AMPD2: variants seen among roughly 807,000 people sequenced by gnomAD.
The protein encoded by AMPD2 is AMP deaminase 2.
A neutral mutation model predicts 91.3 loss-of-function variants in AMPD2; 52 were observed. That is an observed-to-expected ratio of 0.57 (90% CI 0.46 to 0.72). The LOEUF (loss-of-function observed/expected upper bound fraction) is 0.72. Ranked by LOEUF, AMPD2 falls within the 30% of genes least tolerant of loss-of-function variation. The pLI is 0.00. For missense variants in AMPD2, 822 were observed against 1,122.3 expected (o/e 0.73, Z 3.82); for synonymous variants, 455 against 456.4 (o/e 1.00, Z 0.04).
intron 1 of AMPD2, 68 bp downstream of exon 1, chr1:109,620,346 A>T: frequency 6.3e-7 from 1 of 1,599,052 alleles, no homozygotes; most frequent in Admixed American, 1.7e-5. Flanking sequence ...CAGAGTGACA[A>T]GAGGGTGGGA....
Position 109,629,471 on chromosome 1 carries a change from A to C in AMPD2, c.1843A>C (p.Met615Leu). The change falls in exon 15 of 19, where the codon ATG (methionine) becomes CTG (leucine). Residue 615 changes from methionine (M) to leucine (L), a missense_variant. Coordinates refer to ENST00000528667, the MANE Select transcript of AMPD2 (RefSeq NM_001368809.2). ...YLYYTFANMA[M>L]LNHLRRQRGF... is the part of the protein sequence containing the mutation. ...GTACTACACCTTTGCCAACATGGCC[A>C]TGTTGAACCACCTGCGCAGGTGCCT... The C allele has an allele frequency of 6.2e-7, 1 of 1,613,968 alleles. No individual in the cohort carries two copies. The highest frequency in any genetic ancestry group is 8.5e-7 in the Non-Finnish European group (1 of 1,179,946).
Position 109,625,877 on chromosome 1 carries a change from C to G in AMPD2, c.353+85C>G. ...CCCTTTTCTGCCTCTTTCCCTCGCACCCTGCCTTGGGGGGTCTGCACAGGG... is the reference window on the plus strand; with the variant it reads ...CCCTTTTCTGCCTCTTTCCCTCGCAGCCTGCCTTGGGGGGTCTGCACAGGG... On this transcript the variant is annotated intron_variant, in intron 4 of 18. Transcript: ENST00000528667. The surrounding 1 kb of genome is among the most constrained non-coding windows in gnomAD (Gnocchi z 4.0). The G allele has an allele frequency of 1.9e-6, 3 of 1,565,594 alleles. No individual in the cohort carries two copies. The highest frequency in any genetic ancestry group is 1.2e-5 in the South Asian group (1 of 84,330).
rs1285437036 is a variant in AMPD2 at position 109,624,938 on chromosome 1, C to T, written c.92-365C>T. Among the ~76,000 whole-genome samples, 4 of 152,164 alleles carry T rather than the reference C, an allele frequency of 2.6e-5. No individual in the cohort carries two copies. Among genetic ancestry groups the T allele is most frequent in the Admixed American group, 1.3e-4 (2 of 15,288 alleles). ...GTGTGTCTCTGAGGGTGTCTGTGTG[C>T]GTACGTGCATGTGTGTGCACACGTA... is the stretch of plus-strand genomic sequence containing the variant. On this transcript the variant is annotated intron_variant, in intron 2 of 18. Coordinates refer to ENST00000528667, the MANE Select transcript of AMPD2 (RefSeq NM_001368809.2). This position sits in a 1 kb window ranked among gnomAD's most constrained non-coding sequence, Gnocchi z 5.2.
intron 1 of AMPD2, 55 bp from the exon 2 acceptor site, chr1:109,620,859 G>GGGCT (rs1650187349): frequency 8.3e-6 from 12 of 1,438,090 alleles, no homozygotes; most frequent in Non-Finnish European, 1.1e-5. Context: ...GGAGAGCTGG[G>GGGCT]GGCTGGCCCT....
At chr1:109,622,421 C>T (rs1009451459) in intron 2 of AMPD2, 3 of 392,800 alleles carry the variant, frequency 7.6e-6, no homozygotes, top group South Asian at 1.8e-5. Context: ...GCAGTCGTGG[C>T]AGTGTGTGAG....
rs1651116301 is a variant in AMPD2, at chr1:109,630,426, C to G, written c.2157+20C>G. The G allele has an allele frequency of 2.9e-6, 4 of 1,384,054 alleles. No individual in the cohort carries two copies. In the African/African-American group the frequency reaches 4.5e-5, roughly 16 times the overall value. The allele number at this position is 1,384,054 out of a possible 1,614,324, so 85.7% of individuals were successfully genotyped here. On this transcript the variant is annotated intron_variant, in intron 17 of 18. Coordinates refer to ENST00000528667, the MANE Select transcript of AMPD2 (RefSeq NM_001368809.2). ...ACCAAGGTCAGAGCCCAGCAGGCAG[C>G]CAGGCGGGCGGGCGTCCCAGGACGC... is the stretch of plus-strand genomic sequence containing the variant.
At position 109,628,160 on chromosome 1, in the gene AMPD2, G is replaced by A; in HGVS notation, c.1158G>A (p.Arg386=). ...GCTTCATCAAGCGGGCAATGAAGCG[G>A]CACCTGGAGGAGATCGTGCACGTGG... ...LLRFIKRAMK[R]HLEEIVHVEQ... Residue 386 remains arginine, a synonymous_variant, in exon 11 of 19, where the codon CGG becomes CGA. Coordinates refer to ENST00000528667, the MANE Select transcript of AMPD2 (RefSeq NM_001368809.2). The surrounding 1 kb of genome is among the most constrained non-coding windows in gnomAD (Gnocchi z 7.1). 5.0e-6 allele frequency: 8 copies of A among 1,614,120 alleles called. No individual in the cohort carries two copies. Among genetic ancestry groups the A allele is most frequent in the African/African-American group, 1.3e-5 (1 of 75,060 alleles).
chr1:109,622,216 G>A (rs1478258936), intron 2 of AMPD2: 6 of 456,178 alleles, frequency 1.3e-5, no homozygotes, highest in South Asian at 7.7e-5. Flanking sequence ...CTGTCCTGAG[G>A]GTGTTCTCTG....
rs1181574551 is a variant in AMPD2, at chr1:109,625,733, C to T, written c.294C>T (p.Pro98=). 1.2e-6 allele frequency: 2 copies of T among 1,614,162 alleles called. No individual in the cohort carries two copies. Among genetic ancestry groups the T allele is most frequent in the East Asian group, 2.2e-5 (1 of 44,878 alleles). The change falls in exon 4 of 19, where the codon CCC becomes CCT. Residue 98 remains proline (P), a synonymous_variant. Transcript: ENST00000528667. This position sits in a 1 kb window ranked among gnomAD's most constrained non-coding sequence, Gnocchi z 4.0. Reference sequence around the variant, plus strand: ...CGTATGAGTTCCCCGAGGAGAGCCCCATTGAACAGCTGGAGGAGCGGCGGC... The same window carrying T: ...CGTATGAGTTCCCCGAGGAGAGCCCTATTGAACAGCTGGAGGAGCGGCGGC... ...SAPYEFPEES[P]IEQLEERRQR... is the part of the protein sequence containing the mutation.
At chr1:109,622,255 T>G (rs756811252) in intron 2 of AMPD2, 1 of 456,274 alleles carries the variant, frequency 2.2e-6, no homozygotes, top group South Asian at 1.5e-5. Context: ...CCAGAAAGGG[T>G]GTCCCCTGGG....
In AMPD2 at chr1:109,626,902, T is replaced by C. The variant is rs114624650; in HGVS notation, c.708T>C (p.Pro236=). Residue 236 remains proline, a synonymous_variant, in exon 7 of 19, where the codon CCT becomes CCC. Coordinates refer to ENST00000528667, the MANE Select transcript of AMPD2 (RefSeq NM_001368809.2). ...TRTYEQGPDT[P]VSADAPVHPP... is the part of the protein sequence containing the mutation. ...CCTATGAACAGGGCCCCGACACCCCTGTGTCTGCTGGTGGGACTCCCCATC... is the reference window on the plus strand; with the variant it reads ...CCTATGAACAGGGCCCCGACACCCCCGTGTCTGCTGGTGGGACTCCCCATC... The C allele has an allele frequency of 1.9e-6, 3 of 1,612,464 alleles. No individual in the cohort carries two copies. In the Admixed American group the frequency reaches 5.0e-5, roughly 27 times the overall value.
At chr1:109,627,711 C>T (rs977698357) in intron 9 of AMPD2, 63 bp from the exon 10 acceptor site, 21 of 1,598,214 alleles carry the variant, frequency 1.3e-5, no homozygotes, top group Non-Finnish European at 1.8e-5. Flanking sequence ...ATCTGCTACC[C>T]AAGCCCTCCC....
intron 2 of AMPD2, among the ~76,000 whole-genome samples, chr1:109,621,925 C>T (rs1223343157): frequency 1.3e-5 from 2 of 152,196 alleles, no homozygotes; most frequent in East Asian, 1.9e-4. Context: ...CCCTTTGGTT[C>T]GTCTCTCACT....
chr1:109,627,734 T>G (rs1246365783), intron 9 of AMPD2, 40 bp from the exon 10 acceptor site: 1 of 1,609,178 alleles, frequency 6.2e-7, no homozygotes, highest in Non-Finnish European at 8.5e-7. Context: ...GGTGCCTCCC[T>G]TCAGGGCCTA....
chr1:109,625,756 G>T lies in AMPD2; in HGVS notation c.317G>T (p.Arg106Leu). ...ESPIEQLEER[R>L]QRLERQISQD... The stretch of plus-strand genomic sequence containing the variant: ...CCCATTGAACAGCTGGAGGAGCGGC[G>T]GCAGCGGCTGGAGCGGCAGATCAGC... The change falls in exon 4 of 19, where the codon CGG becomes CTG. Residue 106 changes from arginine to leucine, a missense_variant. Transcript: ENST00000528667. This position sits in a 1 kb window ranked among gnomAD's most constrained non-coding sequence, Gnocchi z 4.0. 6.2e-7 allele frequency: 1 copy of T among 1,614,058 alleles called. No individual in the cohort carries two copies. The highest frequency in any genetic ancestry group is 8.5e-7 in the Non-Finnish European group (1 of 1,180,022).
rs1651245745 is a variant in AMPD2, at chr1:109,631,226, G to A, written c.*74G>A. ...TGTCCTCAGACCCCGCCCATGCTGT[G>A]TGGTCTCTGCATGTCTCCATTCTTC... On this transcript the variant is annotated 3_prime_UTR_variant, in exon 19 of 19. Coordinates refer to ENST00000528667, the MANE Select transcript of AMPD2 (RefSeq NM_001368809.2). 7.2e-7 allele frequency: 1 copy of A among 1,391,386 alleles called. No individual in the cohort carries two copies. Among genetic ancestry groups the A allele is most frequent in the South Asian group, 1.2e-5 (1 of 80,104 alleles). The allele number at this position is 1,391,386 out of a possible 1,614,324, so 86.2% of individuals were successfully genotyped here.
In AMPD2 at chr1:109,619,971, T is replaced by G; in HGVS notation, c.-570T>G. Reference sequence around the variant, plus strand: ...GTGTTGAGAGAAATCTGGACGAGTTTCGGGTCCCGCTCCCTTGGGAGCACG... The same window carrying G: ...GTGTTGAGAGAAATCTGGACGAGTTGCGGGTCCCGCTCCCTTGGGAGCACG... On this transcript the variant is annotated 5_prime_UTR_variant, in exon 1 of 19. Transcript: ENST00000528667. The G allele has an allele frequency of 4.3e-6, 2 of 460,840 alleles. No individual in the cohort carries two copies. The highest frequency in any genetic ancestry group is 2.0e-5 in the African/African-American group (1 of 49,932). 28.5% of individuals were successfully genotyped at this position (460,840 alleles called of 1,614,324 possible).
At position 109,630,374 on chromosome 1, in the gene AMPD2, A is replaced by T; in HGVS notation, c.2125A>T (p.Thr709Ser). The T allele has an allele frequency of 6.2e-7, 1 of 1,611,466 alleles. No individual in the cohort carries two copies. The highest frequency in any genetic ancestry group is 2.2e-5 in the East Asian group (1 of 44,768). The change falls in exon 17 of 19, where the codon ACT becomes TCT. Residue 709 changes from threonine to serine, a missense_variant. Around this residue, in one of 5 missense-constraint regions of AMPD2, gnomAD observed 430 missense variants for 606.0 expected, o/e 0.71. Coordinates refer to ENST00000528667, the MANE Select transcript of AMPD2 (RefSeq NM_001368809.2). ...LSRGLMVSLSTDDPLQFHFTK... is the reference protein window; with the variant it reads ...LSRGLMVSLSSDDPLQFHFTK... ...CCGCGGCCTCATGGTCTCCCTGTCC[A>T]CTGATGATCCCTTGCAGTTCCACTT...
At chr1:109,620,484 C>CT in intron 1 of AMPD2, 1 of 1,189,562 alleles carries the variant, frequency 8.4e-7, no homozygotes, top group Non-Finnish European at 1.1e-6. Context: ...CCCAGACCCC[C>CT]AGACAAGGGG....
Sources: allele counts gnomAD v4.1 joint callset (sites outside exome capture counted in the v4.1 genomes callset), GRCh38; gene constraint gnomAD v4.1.1; regional missense constraint gnomAD v4.1.1; non-coding constraint Gnocchi (gnomAD v3.1); transcripts MANE v1.5; gene names NCBI Gene and HGNC (gene_info 2026-07-23, HGNC 2026-07-21).